The following ABCC10 variants were observed in gnomAD, a reference collection of about 807,000 sequenced individuals.
The protein encoded by ABCC10 is ATP binding cassette subfamily C member 10.
A neutral mutation model predicts 143.2 loss-of-function variants in ABCC10; 110 were observed. The ratio of observed to expected loss-of-function variants is 0.77; its 90% CI spans 0.66 to 0.90. The LOEUF (loss-of-function observed/expected upper bound fraction) is 0.90, where lower values mean the gene tolerates loss of function less well. Ranked by LOEUF, ABCC10 falls within the 40% of genes least tolerant of loss-of-function variation. The pLI is 0.00. For missense variants in ABCC10, 1,700 were observed against 1,900.5 expected (o/e 0.89, Z 1.96); for synonymous variants, 805 against 846.7 (o/e 0.95, Z 0.85).
In ABCC10 at chr6:43,447,427, C is replaced by G; in HGVS notation, c.3705+19C>G. On this transcript the variant is annotated intron_variant, in intron 17 of 21. Coordinates refer to ENST00000372530, the MANE Select transcript of ABCC10 (RefSeq NM_001198934.2). ...ACTGCAGGTGGGCCTGTACCCCCAC[C>G]CCAGGCCAAAGCTCTGGAACCCTGA... The G allele has an allele frequency of 6.2e-7, 1 of 1,610,248 alleles. No homozygotes were observed. The highest frequency in any genetic ancestry group is 8.5e-7 in the Non-Finnish European group (1 of 1,178,696).
At chr6:43,428,224 A>T in intron 2 of ABCC10, 85 bp downstream of exon 2, 1 of 1,380,790 alleles carries the variant, frequency 7.2e-7, no homozygotes, top group Non-Finnish European at 9.6e-7. Context: ...GTGTCACCAG[A>T]ATAGCGAGGT....
intron 12 of ABCC10, 68 bp downstream of exon 12, chr6:43,444,421 C>G: frequency 6.7e-7 from 1 of 1,485,300 alleles, no homozygotes; most frequent in South Asian, 1.4e-5. Context: ...TTACCTTGCA[C>G]TAATCATTAC....
chr6:43,436,490 A>G (rs1781741245), intron 6 of ABCC10, among the ~76,000 whole-genome samples: 1 of 152,136 alleles, frequency 6.6e-6, no homozygotes, highest in Admixed American at 6.6e-5. Context: ...GTCCAGACCA[A>G]TGGGTGTGCT....
At position 43,427,682 on chromosome 6, in the gene ABCC10, G is replaced by C; in HGVS notation, c.-87G>C. On this transcript the variant is annotated 5_prime_UTR_variant, in exon 1 of 22. Coordinates refer to ENST00000372530, the MANE Select transcript of ABCC10 (RefSeq NM_001198934.2). ...AGTTCTCAGGATATCGGAATCCGGT[G>C]CACAGCAGCTTCTTCAGGTTTGAGG... The C allele has an allele frequency of 1.9e-6, 1 of 517,608 alleles. No homozygotes were observed. The highest frequency in any genetic ancestry group is 3.5e-6 in the Non-Finnish European group (1 of 283,608). 32.1% of individuals were successfully genotyped at this position (517,608 alleles called of 1,614,324 possible). A position where few individuals can be genotyped will look rare whatever the true frequency, so the allele number is the denominator to read the frequency against.
At chr6:43,450,854 G>C (rs770681753), downstream of ABCC10, 4 of 1,614,186 alleles carry the variant, frequency 2.5e-6, no homozygotes, top group Admixed American at 1.7e-5. This position sits in a 1 kb window ranked among gnomAD's most constrained non-coding sequence, Gnocchi z 4.5. Flanking sequence ...CTGCGCTGTG[G>C]GGGGCTGGCC....
At position 43,427,653 on chromosome 6, in the gene ABCC10, C is replaced by G; in HGVS notation, c.-116C>G. 2.4e-6 allele frequency: 1 copy of G among 422,394 alleles called. No homozygotes were observed. The allele number at this position is 422,394 out of a possible 1,614,324, so 26.2% of individuals were successfully genotyped here. On this transcript the variant is annotated 5_prime_UTR_variant, in exon 1 of 22. Coordinates refer to ENST00000372530, the MANE Select transcript of ABCC10 (RefSeq NM_001198934.2). The stretch of plus-strand genomic sequence containing the variant: ...GCAGTACTTTTTTTTTTTTTGCATA[C>G]ACCAGTTCTCAGGATATCGGAATCC...
At position 43,447,344 on chromosome 6, in the gene ABCC10, G is replaced by A. The variant is rs1315013169; in HGVS notation, c.3641G>A (p.Ser1214Asn). The A allele has an allele frequency of 6.2e-7, 1 of 1,613,332 alleles. No individual in the cohort carries two copies. Among genetic ancestry groups the A allele is most frequent in the East Asian group, 2.2e-5 (1 of 44,888 alleles). ...SFTQTEAMLV[S>N]VERLEEYTCD... ...ACACAGACAGAGGCCATGCTGGTGA[G>A]CGTCGAGCGGCTGGAAGAGTACACC... The change falls in exon 17 of 22, where the codon AGC (serine) becomes AAC (asparagine). Residue 1214 changes from serine (S) to asparagine (N), a missense_variant. Coordinates refer to ENST00000372530, the MANE Select transcript of ABCC10 (RefSeq NM_001198934.2).
In ABCC10 at chr6:43,448,115, T is replaced by C. The variant is rs767374397; in HGVS notation, c.3959+178T>C. The C allele has an allele frequency of 4.2e-5, 41 of 985,952 alleles. No homozygotes were observed. The African/African-American group carries it at 5.6e-4, about 14-fold the overall frequency. 61.1% of individuals were successfully genotyped at this position (985,952 alleles called of 1,614,324 possible). A position where few individuals can be genotyped will look rare whatever the true frequency, so the allele number is the denominator to read the frequency against. ...GAACTCCTAGTGCCCAGGTCCAGATTCATGGCTGGTGATCTCAAGGTCTTC... is the reference window on the plus strand; with the variant it reads ...GAACTCCTAGTGCCCAGGTCCAGATCCATGGCTGGTGATCTCAAGGTCTTC... On this transcript the variant is annotated intron_variant, in intron 18 of 21. Coordinates refer to ENST00000372530, the MANE Select transcript of ABCC10 (RefSeq NM_001198934.2).
intron 7 of ABCC10, 116 bp downstream of exon 7, chr6:43,438,129 TCC>T: frequency 8.4e-7 from 1 of 1,189,252 alleles, no homozygotes; most frequent in Non-Finnish European, 1.2e-6. Context: ...CAACGCATGG[TCC>T]CTTTATTGGG....
chr6:43,433,027 T>C lies in ABCC10; in HGVS notation c.1047T>C (p.Tyr349=), dbSNP rs760370204. 2.5e-6 allele frequency: 4 copies of C among 1,614,116 alleles called. No individual in the cohort carries two copies. Among genetic ancestry groups the C allele is most frequent in the Non-Finnish European group, 3.4e-6 (4 of 1,180,010 alleles). ...VLQNQYGYEV[Y]KVTLQARGAV... Reference sequence around the variant, plus strand: ...AGAATCAGTATGGGTATGAGGTATATAAGGTAACACTTCAGGCACGGGGGG... The same window carrying C: ...AGAATCAGTATGGGTATGAGGTATACAAGGTAACACTTCAGGCACGGGGGG... The change falls in exon 3 of 22, where the codon TAT becomes TAC. Residue 349 remains tyrosine, a synonymous_variant. Coordinates refer to ENST00000372530, the MANE Select transcript of ABCC10 (RefSeq NM_001198934.2).
chr6:43,429,404 G>GTGTC (rs1780881201), intron 2 of ABCC10, among the ~76,000 whole-genome samples: 1 of 35,314 alleles, frequency 2.8e-5, no homozygotes, highest in Admixed American at 2.3e-4. Context: ...GTGTGTGTGT[G>GTGTC]TGTGTGGCGG....
chr6:43,428,186 T>G, intron 2 of ABCC10, 47 bp downstream of exon 2: 21 of 1,470,850 alleles, frequency 1.4e-5, no homozygotes, highest in Non-Finnish European at 1.9e-5. Context: ...TGCCTGCAGA[T>G]CTCACCCGCG....
chr6:43,438,417 G>C (rs1781979690), intron 7 of ABCC10: 14 of 1,427,020 alleles, frequency 9.8e-6, no homozygotes, highest in Middle Eastern at 2.6e-4. Context: ...CTTGGCTGTA[G>C]CCAAAGAGCT....
intron 4 of ABCC10, 128 bp downstream of exon 4, chr6:43,434,976 G>C: frequency 1.0e-6 from 1 of 960,998 alleles, no homozygotes; most frequent in Non-Finnish European, 1.5e-6. Flanking sequence ...TCAACCAAGG[G>C]AAAACTGAAG....
Position 43,442,955 on chromosome 6 carries a change from C to T in ABCC10, c.2227-15C>T, listed in dbSNP as rs1338619175. 1 of 1,562,734 alleles carries T rather than the reference C, an allele frequency of 6.4e-7. No individual in the cohort carries two copies. The highest frequency in any genetic ancestry group is 8.7e-7 in the Non-Finnish European group (1 of 1,154,126). On this transcript the variant is annotated splice_polypyrimidine_tract_variant and intron_variant, in intron 9 of 21. Transcript: ENST00000372530. ...TTTGGGTCCTGGTGCCCACGGTACC[C>T]TCACGTCTCCATAGGAAAAGGAGCT... is the stretch of plus-strand genomic sequence containing the variant.
Position 43,432,122 on chromosome 6 carries a change from G to A in ABCC10, c.162-20G>A, listed in dbSNP as rs920076463. 23 of 1,611,430 alleles carry A rather than the reference G, an allele frequency of 1.4e-5. No homozygotes were observed. Among genetic ancestry groups the A allele is most frequent in the Non-Finnish European group, 1.8e-5 (21 of 1,178,122 alleles). On this transcript the variant is annotated intron_variant, in intron 2 of 21. Transcript: ENST00000372530. ...TGAGTCAGCCACGATGTGCCTCCTT[G>A]TCTTCCCCCTTGTCCCCAGGAGTCC...
chr6:43,446,503 C>T (rs1783096228), intron 16 of ABCC10, 57 bp downstream of exon 16: 2 of 1,559,276 alleles, frequency 1.3e-6, no homozygotes, highest in East Asian at 4.6e-5. Context: ...ACCGCTCTCC[C>T]AGATCTCTCC....
Position 43,434,612 on chromosome 6 carries a change from T to C in ABCC10, c.1381-9T>C. On this transcript the variant is annotated splice_polypyrimidine_tract_variant and intron_variant, in intron 3 of 21. Coordinates refer to ENST00000372530, the MANE Select transcript of ABCC10 (RefSeq NM_001198934.2). ...CACTTCACGCCTCTCCCTTGTCTCCTTTCCCTAGCTTGTGACAGAGCTGCT... is the reference window on the plus strand; with the variant it reads ...CACTTCACGCCTCTCCCTTGTCTCCCTTCCCTAGCTTGTGACAGAGCTGCT... 6.2e-7 allele frequency: 1 copy of C among 1,611,142 alleles called. No individual in the cohort carries two copies.
At chr6:43,428,670 G>A (rs1395038864) in intron 2 of ABCC10, among the ~76,000 whole-genome samples, 1 of 152,186 alleles carries the variant, frequency 6.6e-6, no homozygotes, top group Non-Finnish European at 1.5e-5. Flanking sequence ...AGGGCTATAA[G>A]GTGTGGATGC....
Sources: allele counts gnomAD v4.1 joint callset (sites outside exome capture counted in the v4.1 genomes callset), GRCh38; gene constraint gnomAD v4.1.1; non-coding constraint Gnocchi (gnomAD v3.1); transcripts MANE v1.5; gene names NCBI Gene and HGNC (gene_info 2026-07-23, HGNC 2026-07-21).